Variants in PLXNA1 observed in about 807,000 individuals in gnomAD.
The protein encoded by PLXNA1 is plexin A1, also known as plexin-A1.
Under a neutral mutation model 191.7 loss-of-function variants are expected in PLXNA1, and 77 were observed. The observed-to-expected ratio is 0.40, with a 90% CI of 0.33 to 0.49. PLXNA1 has a LOEUF of 0.49. PLXNA1 is among the 20% of genes least tolerant of loss of function. PLXNA1 has a pLI of 0.63. For synonymous variants in PLXNA1, 1,137 were observed against 1,156.4 expected, an observed-to-expected ratio of 0.98 and a Z score of 0.34; for missense variants, 2,110 against 2,660.2, an observed-to-expected ratio of 0.79 and a Z score of 4.55.
At chr3:127,032,190 T>G (rs1395453634) in intron 29 of PLXNA1, among the ~76,000 whole-genome samples, 197 bp from the exon 30 acceptor site, 1 of 152,102 alleles carries the variant, frequency 6.6e-6, no homozygotes, top group Non-Finnish European at 1.5e-5. Flanking sequence ...ATGCAGGTGG[T>G]GGGGGCAGCA....
At chr3:126,985,642 A>T (rs1259847573) in intron 1 of PLXNA1, among the ~76,000 whole-genome samples, 2 of 151,998 alleles carry the variant, frequency 1.3e-5, no homozygotes. Context: ...TAGCCCCGGC[A>T]TGGGCCCCTG....
intron 8 of PLXNA1, 128 bp from the exon 9 acceptor site, chr3:127,007,670 AG>A (rs946936882): frequency 3.9e-5 from 23 of 596,974 alleles, no homozygotes; most frequent in African/African-American, 3.4e-4. Flanking sequence ...CCAGGCCAGG[AG>A]CAGTCAGTGC....
chr3:127,011,737 T>C (rs1350954604), intron 9 of PLXNA1, among the ~76,000 whole-genome samples: 1 of 152,056 alleles, frequency 6.6e-6, no homozygotes, highest in African/African-American at 2.4e-5. Context: ...TCCTAGAACA[T>C]GGGGCAGGGC....
chr3:127,024,140 C>T lies in PLXNA1; in HGVS notation c.4362+1322C>T, dbSNP rs191333602. 9.2e-4 allele frequency among the ~76,000 whole-genome samples: 140 copies of T among 152,268 alleles called. 1 individual carries two copies. Among genetic ancestry groups the T allele is most frequent in the African/African-American group, 3.4e-3 (140 of 41,554 alleles). On this transcript the variant is annotated intron_variant, in intron 23 of 31. Coordinates refer to ENST00000393409, the MANE Select transcript of PLXNA1 (RefSeq NM_032242.4). ...GGCTCTGTGAGCCTAAAGCAGCAGG[C>T]GTCCTGGGTGAGGTGGAGAGGGCAC...
chr3:127,030,366 C>T lies in PLXNA1; in HGVS notation c.5185C>T (p.His1729Tyr). Residue 1729 changes from histidine to tyrosine, a missense_variant, in exon 29 of 32, where the codon CAC (histidine) becomes TAC (tyrosine). This residue lies in a region of PLXNA1 where 559 missense variants were observed against 911.5 expected (regional missense o/e 0.61). Coordinates refer to ENST00000393409, the MANE Select transcript of PLXNA1 (RefSeq NM_032242.4). Reference sequence around the variant, plus strand: ...CTTCCTGGATGAGCAGGCCGACAAGCACCAGATCCACGATGCTGACGTGCG... The same window carrying T: ...CTTCCTGGATGAGCAGGCCGACAAGTACCAGATCCACGATGCTGACGTGCG... ...FDFLDEQADK[H>Y]QIHDADVRHT... 1 of 1,614,006 alleles carries T rather than the reference C, an allele frequency of 6.2e-7. No homozygotes were observed. The highest frequency in any genetic ancestry group is 8.5e-7 in the Non-Finnish European group (1 of 1,180,012).
At chr3:127,015,138 G>A (rs201796474) in intron 14 of PLXNA1, 46 bp from the exon 15 acceptor site, 4 of 1,582,636 alleles carry the variant, frequency 2.5e-6, no homozygotes, top group Non-Finnish European at 3.4e-6. Context: ...CATGTGGCCC[G>A]AGGGGGACTT....
chr3:127,007,956 G>A (rs1283394457), intron 9 of PLXNA1, 43 bp downstream of exon 9: 1 of 1,388,052 alleles, frequency 7.2e-7, no homozygotes, highest in Non-Finnish European at 1.0e-6. Context: ...CAGAGGTGGA[G>A]CAGAACTGGG....
intron 15 of PLXNA1, 83 bp from the exon 16 acceptor site, chr3:127,016,434 C>G: frequency 8.0e-7 from 1 of 1,257,020 alleles, no homozygotes; most frequent in Non-Finnish European, 1.1e-6. Flanking sequence ...TGGCGCTGTT[C>G]CCACCGTCCC....
At chr3:127,015,827 C>T (rs936403955) in intron 15 of PLXNA1, among the ~76,000 whole-genome samples, 1 of 151,958 alleles carries the variant, frequency 6.6e-6, no homozygotes, top group African/African-American at 2.4e-5. Flanking sequence ...GGTCCGGACC[C>T]AGGTGTGGGC....
chr3:126,983,345 G>T (rs867717384), intron 1 of PLXNA1, among the ~76,000 whole-genome samples, 58 bp downstream of exon 1: 3,757 of 145,226 alleles, frequency 0.026, 74 homozygotes, highest in Middle Eastern at 0.042. Context: ...GCCGGGCCGG[G>T]CTGGGGTCCG....
chr3:126,983,864 C>T (rs927019723), intron 1 of PLXNA1, among the ~76,000 whole-genome samples: 1 of 151,982 alleles, frequency 6.6e-6, no homozygotes, highest in African/African-American at 2.4e-5. Context: ...GTCGTGCAGG[C>T]TAAGCCCCCG....
At position 127,014,550 on chromosome 3, in the gene PLXNA1, T is replaced by G. The variant is rs2079112929; in HGVS notation, c.2677T>G (p.Phe893Val). The change falls in exon 13 of 32, where the codon TTC becomes GTC. Residue 893 changes from phenylalanine to valine, a missense_variant. Transcript: ENST00000393409. The part of the protein sequence containing the change: ...TITGENLGLR[F>V]EDVRLGVRVG... Reference sequence around the variant, plus strand: ...CACAGGCGAGAACCTGGGCCTGCGATTCGAAGACGTGCGTCTGGGCGTGCG... The same window carrying G: ...CACAGGCGAGAACCTGGGCCTGCGAGTCGAAGACGTGCGTCTGGGCGTGCG... 1 of 1,611,908 alleles carries G rather than the reference T, an allele frequency of 6.2e-7. No individual in the cohort carries two copies. Among genetic ancestry groups the G allele is most frequent in the Non-Finnish European group, 8.5e-7 (1 of 1,179,852 alleles).
At chr3:127,028,969 C>A (rs775190754) in intron 25 of PLXNA1, 24 bp from the exon 26 acceptor site, 11 of 1,597,232 alleles carry the variant, frequency 6.9e-6, no homozygotes, top group Non-Finnish European at 9.4e-6. Flanking sequence ...AGCGGCCCCA[C>A]CCTCCAGCTC....
At chr3:127,022,043 C>T in intron 21 of PLXNA1, 42 bp from the exon 22 acceptor site, 1 of 1,588,572 alleles carries the variant, frequency 6.3e-7, no homozygotes, top group African/African-American at 1.3e-5. Context: ...GGGGCTGGGG[C>T]TGGGTGCTTC....
In PLXNA1 at chr3:127,012,095, C is replaced by T. The variant is rs766164458; in HGVS notation, c.2250C>T (p.Gly750=). 3.7e-6 allele frequency: 6 copies of T among 1,613,568 alleles called. No individual in the cohort carries two copies. Among genetic ancestry groups the T allele is most frequent in the Non-Finnish European group, 5.1e-6 (6 of 1,180,042 alleles). Residue 750 remains glycine (G), a synonymous_variant, in exon 10 of 32, where the codon GGC becomes GGT. Coordinates refer to ENST00000393409, the MANE Select transcript of PLXNA1 (RefSeq NM_032242.4). ...ATGAGTGCCTCTTCCACATCCCGGG[C>T]AGCCCGGCCCGTGTCACCGCCCTGC... ...RGYECLFHIP[G]SPARVTALRF... is the part of the protein sequence containing the mutation.
intron 3 of PLXNA1, among the ~76,000 whole-genome samples, chr3:126,993,112 A>G (rs1311293345): frequency 6.6e-6 from 1 of 152,052 alleles, no homozygotes; most frequent in Non-Finnish European, 1.5e-5. Flanking sequence ...TTTGGGTCAG[A>G]GCTTTGCTGA....
At chr3:127,020,822 G>C (rs1393356964) in intron 21 of PLXNA1, among the ~76,000 whole-genome samples, 1 of 152,242 alleles carries the variant, frequency 6.6e-6, no homozygotes, top group Non-Finnish European at 1.5e-5. Context: ...GTGCTGGGAG[G>C]TGCGGGTGCC....
intron 1 of PLXNA1, among the ~76,000 whole-genome samples, chr3:126,985,454 G>A (rs1360056038): frequency 6.6e-6 from 1 of 152,108 alleles, no homozygotes; most frequent in Non-Finnish European, 1.5e-5. Context: ...CCTCTGCACA[G>A]CCAGTGTTTC....
At chr3:126,993,348 C>T (rs2079000305) in intron 3 of PLXNA1, among the ~76,000 whole-genome samples, 1 of 152,226 alleles carries the variant, frequency 6.6e-6, no homozygotes, top group Non-Finnish European at 1.5e-5. Flanking sequence ...CACCCCTAGT[C>T]CCAAGGAGGA....
Sources: allele counts gnomAD v4.1 joint callset (sites outside exome capture counted in the v4.1 genomes callset), GRCh38; gene constraint gnomAD v4.1.1; regional missense constraint gnomAD v4.1.1; transcripts MANE v1.5; gene names NCBI Gene and HGNC (gene_info 2026-07-23, HGNC 2026-07-21).